The following DCC variants were observed in gnomAD, a reference collection of about 807,000 sequenced individuals.
DCC encodes DCC netrin 1 receptor, also known as netrin receptor DCC.
A neutral mutation model predicts 172.5 loss-of-function variants in DCC; 58 were observed. The ratio of observed to expected loss-of-function variants is 0.34; its 90% CI spans 0.27 to 0.42. The LOEUF (loss-of-function observed/expected upper bound fraction) is 0.42, where lower values mean the gene tolerates loss of function less well. Ranked by LOEUF, DCC falls within the 10% of genes least tolerant of loss-of-function variation. The pLI, the probability that DCC is intolerant of heterozygous loss-of-function variation, is 1.00. For synonymous variants in DCC, 709 were observed against 644.5 expected, an observed-to-expected ratio of 1.10 and a Z score of -1.52; for missense variants, 1,740 against 1,791.0, an observed-to-expected ratio of 0.97 and a Z score of 0.51.
At chr18:53,425,116 CT>C (rs1910835373) in intron 21 of DCC, among the ~76,000 whole-genome samples, 1 of 148,984 alleles carries the variant, frequency 6.7e-6, no homozygotes, top group East Asian at 2.0e-4. Context: ...TTTTTTTTTT[CT>C]TTTTAACCAC....
intron 9 of DCC, among the ~76,000 whole-genome samples, chr18:53,184,283 G>A (rs534148018): frequency 6.6e-6 from 1 of 152,246 alleles, no homozygotes; most frequent in Non-Finnish European, 1.5e-5. Flanking sequence ...TGAACAGAAA[G>A]TGCTACATTA....
At chr18:53,450,466 T>C (rs1455829255) in intron 22 of DCC, 34 bp from the exon 23 acceptor site, 1 of 1,612,884 alleles carries the variant, frequency 6.2e-7, no homozygotes, top group Admixed American at 1.7e-5. Context: ...CACATCTTCC[T>C]AAACCTGAAC....
intron 8 of DCC, among the ~76,000 whole-genome samples, chr18:53,168,964 AGAT>A (rs1182406594): frequency 6.6e-6 from 1 of 152,198 alleles, no homozygotes; most frequent in African/African-American, 2.4e-5. Flanking sequence ...CTTTGTCAAT[AGAT>A]GATAGCAAAA....
chr18:53,200,582 T>C (rs1004598858), intron 9 of DCC, among the ~76,000 whole-genome samples: 2 of 152,208 alleles, frequency 1.3e-5, no homozygotes, highest in African/African-American at 4.8e-5. Context: ...TGAGCAGCCC[T>C]GGCTAGGCTT....
intron 11 of DCC, among the ~76,000 whole-genome samples, chr18:53,212,503 A>G (rs1304333015): frequency 6.6e-6 from 1 of 152,168 alleles, no homozygotes; most frequent in Admixed American, 6.5e-5. Context: ...ATACTGTAGA[A>G]AAAATTCTCT....
chr18:53,410,496 G>T lies in DCC; in HGVS notation c.2980G>T (p.Asp994Tyr). ...CTTGGACAAGAACATCCCAATTGATGACTGGATTATGGAAACAATCAGTGG... is the reference window on the plus strand; with the variant it reads ...CTTGGACAAGAACATCCCAATTGATTACTGGATTATGGAAACAATCAGTGG... ...YTLDKNIPID[D>Y]WIMETISGDR... is the part of the protein sequence containing the mutation. The change falls in exon 20 of 29, where the codon GAC becomes TAC. Residue 994 changes from aspartate to tyrosine, a missense_variant. Asp to Tyr is a radical substitution (Grantham distance 160, BLOSUM62 -3). This residue lies in a region of DCC where 1,732 missense variants were observed against 1,767.4 expected (regional missense o/e 0.98). Transcript: ENST00000442544. The T allele has an allele frequency of 1.9e-6, 3 of 1,610,200 alleles. No homozygotes were observed. The highest frequency in any genetic ancestry group is 2.2e-5 in the South Asian group (2 of 90,924).
intron 25 of DCC, among the ~76,000 whole-genome samples, chr18:53,482,879 G>A (rs1037502353): frequency 1.3e-5 from 2 of 151,688 alleles, no homozygotes; most frequent in Admixed American, 1.3e-4. Flanking sequence ...TTATGCTCTG[G>A]TATGGCTTAT....
At chr18:52,834,714 TTAGAA>T (rs1360827983) in intron 2 of DCC, among the ~76,000 whole-genome samples, 2 of 152,198 alleles carry the variant, frequency 1.3e-5, no homozygotes, top group Non-Finnish European at 2.9e-5. Context: ...ATTTGAAAAA[TTAGAA>T]AAGAAATATG....
At chr18:52,802,005 T>C (rs2037998251) in intron 2 of DCC, among the ~76,000 whole-genome samples, 1 of 112,934 alleles carries the variant, frequency 8.9e-6, no homozygotes, top group Admixed American at 9.2e-5. Flanking sequence ...TATTCTATTC[T>C]TTTTTTTTTT....
rs554475042 is a variant in DCC at position 52,948,422 on chromosome 18, A to G, written c.985+23052A>G. Among the ~76,000 whole-genome samples the G allele has an allele frequency of 7.8e-4, 119 of 152,318 alleles. 1 individual carries two copies. Among genetic ancestry groups the G allele is most frequent in the African/African-American group, 2.5e-3 (103 of 41,568 alleles). On this transcript the variant is annotated intron_variant, in intron 5 of 28. Transcript: ENST00000442544. The stretch of plus-strand genomic sequence containing the variant: ...GAACAATGATATTGAATAATGATCA[A>G]TATCTTTCAAAGCTATCATTTATTG...
At chr18:52,755,786 C>A (rs1414299416) in intron 2 of DCC, among the ~76,000 whole-genome samples, 1 of 152,056 alleles carries the variant, frequency 6.6e-6, no homozygotes, top group South Asian at 2.1e-4. Flanking sequence ...AAATAATGTC[C>A]CTCTTCCATT....
rs11309009 is a variant in DCC at position 53,113,713 on chromosome 18, C to CT, written c.1262-43633dup. Among the ~76,000 whole-genome samples the CT allele has an allele frequency of 9.9e-4, 149 of 149,886 alleles. 1 individual carries two copies. Among genetic ancestry groups the CT allele is most frequent in the Admixed American group, 8.9e-3 (133 of 14,942 alleles). ...AGCTTTTATTTTTGTCAAAAACCTG[C>CT]TTTTTTTTTTAAGAAATAGTATATG... On this transcript the variant is annotated intron_variant, in intron 7 of 28. Coordinates refer to ENST00000442544, the MANE Select transcript of DCC (RefSeq NM_005215.4).
intron 12 of DCC, among the ~76,000 whole-genome samples, chr18:53,285,023 G>T (rs981780606): frequency 1.3e-5 from 2 of 152,100 alleles, no homozygotes; most frequent in African/African-American, 4.8e-5. Flanking sequence ...CATTCGAGAG[G>T]TAACTTGGCT....
intron 27 of DCC, among the ~76,000 whole-genome samples, chr18:53,512,748 G>A (rs929946937): frequency 1.1e-4 from 17 of 148,556 alleles, no homozygotes; most frequent in African/African-American, 4.1e-4. Context: ...AAGCAAGAAG[G>A]GAAGTTTAGA....
chr18:53,100,642 GAAGA>G (rs2043159277), intron 7 of DCC, among the ~76,000 whole-genome samples: 1 of 151,850 alleles, frequency 6.6e-6, no homozygotes, highest in African/African-American at 2.4e-5. Context: ...AGGAGAAAGG[GAAGA>G]AAGAAAGGGA....
At chr18:52,821,256 C>T (rs1302273529) in intron 2 of DCC, among the ~76,000 whole-genome samples, 3 of 152,146 alleles carry the variant, frequency 2.0e-5, no homozygotes, top group Non-Finnish European at 2.9e-5. Context: ...CACCACGTTA[C>T]TTCTATCTAA....
chr18:52,581,247 G>C (rs905415480), intron 1 of DCC, among the ~76,000 whole-genome samples: 2 of 65,698 alleles, frequency 3.0e-5, no homozygotes, highest in East Asian at 4.4e-4. Flanking sequence ...AGTGAGTCTT[G>C]GTACCAGAAA....
chr18:53,119,605 G>A (rs760259044), intron 7 of DCC, among the ~76,000 whole-genome samples: 1 of 151,878 alleles, frequency 6.6e-6, no homozygotes, highest in Non-Finnish European at 1.5e-5. Context: ...AGTTGACTCA[G>A]ATCTGGAAAG....
At chr18:52,544,264 C>T (rs2032549298) in intron 1 of DCC, among the ~76,000 whole-genome samples, 1 of 152,194 alleles carries the variant, frequency 6.6e-6, no homozygotes, top group African/African-American at 2.4e-5. Flanking sequence ...GTCCTGCTGT[C>T]ATTGGCTCTT....
Sources: allele counts gnomAD v4.1 joint callset (sites outside exome capture counted in the v4.1 genomes callset), GRCh38; gene constraint gnomAD v4.1.1; regional missense constraint gnomAD v4.1.1; transcripts MANE v1.5; gene names NCBI Gene and HGNC (gene_info 2026-07-23, HGNC 2026-07-21).